Variants in KLF4 observed in about 807,000 individuals in gnomAD.
KLF4 encodes Krueppel-like factor 4.
KLF4 carries 14 observed loss-of-function variants against 38.0 expected under a neutral mutation model. The observed-to-expected ratio is 0.37, with a 90% CI of 0.24 to 0.58. The LOEUF is 0.58. Ranked by LOEUF, KLF4 falls within the 20% of genes least tolerant of loss-of-function variation. KLF4 has a pLI of 0.76. For synonymous variants in KLF4, 398 were observed against 302.5 expected (o/e 1.32, Z -3.28); for missense variants, 737 against 670.1 (o/e 1.10, Z -1.10).
In KLF4 at chr9:107,488,920, C is replaced by T. The variant is rs1421939582; in HGVS notation, c.126+10G>A. 2.6e-6 allele frequency: 4 copies of T among 1,550,720 alleles called. No homozygotes were observed. Among genetic ancestry groups the T allele is most frequent in the East Asian group, 2.4e-5 (1 of 40,958 alleles). ...ACCGGGCGTTCCCGGCGGCCCGGAG[C>T]GATACTCACGTTATTCGGGGCACCT... On this transcript the variant is annotated intron_variant, in intron 2 of 4. Transcript: ENST00000374672. The surrounding 1 kb of genome is among the most constrained non-coding windows in gnomAD (Gnocchi z 5.7).
intron 4 of KLF4, among the ~76,000 whole-genome samples, chr9:107,486,423 T>C (rs1374507672): frequency 6.6e-6 from 1 of 151,934 alleles, no homozygotes; most frequent in African/African-American, 2.4e-5. Flanking sequence ...ATGGAAATGC[T>C]CTGCAGTGAC....
chr9:107,487,486 T>C lies in KLF4; in HGVS notation c.908A>G (p.His303Arg), dbSNP rs777731050. 1.3e-6 allele frequency: 2 copies of C among 1,541,402 alleles called. No individual in the cohort carries two copies. The highest frequency in any genetic ancestry group is 1.7e-6 in the Non-Finnish European group (2 of 1,145,668). The change falls in exon 3 of 5, where the codon CAC becomes CGC. Residue 303 changes from histidine (H) to arginine (R), a missense_variant. Around this residue, in one of 2 missense-constraint regions of KLF4, gnomAD observed 695 missense variants for 554.5 expected, o/e 1.25. Coordinates refer to ENST00000374672, the MANE Select transcript of KLF4 (RefSeq NM_004235.6). This position sits in a 1 kb window ranked among gnomAD's most constrained non-coding sequence, Gnocchi z 6.1. ...GAGCTGCCGCCCCAGGGGGAAGTCG[T>C]GTGCAGCCGGCCGGTGGCCATTGCT... ...PLSNGHRPAA[H>R]DFPLGRQLPS...
chr9:107,488,253 C>A lies in KLF4; in HGVS notation c.141G>T (p.Glu47Asp). The A allele has an allele frequency of 1.2e-6, 2 of 1,604,986 alleles. No individual in the cohort carries two copies. Among genetic ancestry groups the A allele is most frequent in the African/African-American group, 1.3e-5 (1 of 74,820 alleles). The change falls in exon 3 of 5, where the codon GAG becomes GAT. Residue 47 changes from glutamate (E) to aspartate (D), a missense_variant. Transcript: ENST00000374672. This position sits in a 1 kb window ranked among gnomAD's most constrained non-coding sequence, Gnocchi z 5.7. ...GGGGAAGTCGCTTCATGTGGGAGAG[C>A]TCCTCCCGCCAGCGCTGCGGGGACA... ...AGAPNNRWRE[E>D]LSHMKRLPPV...
At chr9:107,489,098 C>G (rs948009962) in intron 1 of KLF4, 48 bp from the exon 2 acceptor site, 32 of 1,549,980 alleles carry the variant, frequency 2.1e-5, no homozygotes, top group South Asian at 4.8e-5. Context: ...GGGCGGCTTT[C>G]GGCCGTCGTT....
rs960359110 is a variant in KLF4, at chr9:107,485,231, T to G, written c.*520A>C. On this transcript the variant is annotated 3_prime_UTR_variant, in exon 5 of 5. Transcript: ENST00000374672. The surrounding 1 kb of genome is among the most constrained non-coding windows in gnomAD (Gnocchi z 4.9). ...CAGCAGTTTGAAAACTTTGGCTTCC[T>G]TGTTTGGTACCTTTAGAACCAAGAC... 7 of 209,584 alleles carry G rather than the reference T, an allele frequency of 3.3e-5. No homozygotes were observed. The Admixed American group carries it at 4.1e-4, about 12-fold the overall frequency. 13.0% of individuals were successfully genotyped at this position (209,584 alleles called of 1,614,324 possible).
Position 107,488,642 on chromosome 9 carries a change from C to T in KLF4, c.126+288G>A, listed in dbSNP as rs1829134096. Among the ~76,000 whole-genome samples the T allele has an allele frequency of 1.3e-5, 2 of 152,142 alleles. No homozygotes were observed. Among genetic ancestry groups the T allele is most frequent in the African/African-American group, 4.8e-5 (2 of 41,448 alleles). On this transcript the variant is annotated intron_variant, in intron 2 of 4. Transcript: ENST00000374672. This position sits in a 1 kb window ranked among gnomAD's most constrained non-coding sequence, Gnocchi z 5.7. ...CTCTGGCCCAGCCAGTGTCTGGGGACGCGGCCACCTCCCGCCCGGTGGCCC... is the reference window on the plus strand; with the variant it reads ...CTCTGGCCCAGCCAGTGTCTGGGGATGCGGCCACCTCCCGCCCGGTGGCCC...
rs1180573235 is a variant in KLF4, at chr9:107,488,405, G to A, written c.127-138C>T. ...CAGGCAGGAAGCACCCGGGAACCCA[G>A]GGCGCCAGCGCTGCAATCTCGGCCC... On this transcript the variant is annotated intron_variant, in intron 2 of 4. Coordinates refer to ENST00000374672, the MANE Select transcript of KLF4 (RefSeq NM_004235.6). This position sits in a 1 kb window ranked among gnomAD's most constrained non-coding sequence, Gnocchi z 5.7. The A allele has an allele frequency of 2.1e-6, 3 of 1,404,480 alleles. No individual in the cohort carries two copies. The highest frequency in any genetic ancestry group is 1.4e-5 in the African/African-American group (1 of 69,060). The allele number at this position is 1,404,480 out of a possible 1,614,324, so 87.0% of individuals were successfully genotyped here.
Position 107,487,018 on chromosome 9 carries a change from GT to G in KLF4, c.1264+9del. 6.2e-7 allele frequency: 1 copy of G among 1,614,166 alleles called. No individual in the cohort carries two copies. On this transcript the variant is annotated intron_variant, in intron 4 of 4. Transcript: ENST00000374672. This position sits in a 1 kb window ranked among gnomAD's most constrained non-coding sequence, Gnocchi z 6.1. ...CTAACCCCCCTCCCTTCTGCAGTTT[GT>G]CCCCCTACCTGTGTGGGTTCGCAGG...
In KLF4 at chr9:107,489,070, C is replaced by T. The variant is rs774814770; in HGVS notation, c.6-20G>A. On this transcript the variant is annotated intron_variant, in intron 1 of 4. Coordinates refer to ENST00000374672, the MANE Select transcript of KLF4 (RefSeq NM_004235.6). Reference sequence around the variant, plus strand: ...GGCTGCCTGCGAGCAAGGCAGGGAGCGGAGACAGGAGAGTCAGGGGCGGCT... The same window carrying T: ...GGCTGCCTGCGAGCAAGGCAGGGAGTGGAGACAGGAGAGTCAGGGGCGGCT... 9 of 1,552,432 alleles carry T rather than the reference C, an allele frequency of 5.8e-6. No individual in the cohort carries two copies. The highest frequency in any genetic ancestry group is 7.8e-6 in the Non-Finnish European group (9 of 1,147,590).
chr9:107,489,265 C>T lies in KLF4; in HGVS notation c.-93G>A, dbSNP rs1475063518. 7.1e-7 allele frequency: 1 copy of T among 1,402,648 alleles called. No individual in the cohort carries two copies. The highest frequency in any genetic ancestry group is 1.5e-5 in the African/African-American group (1 of 68,558). 86.9% of individuals were successfully genotyped at this position (1,402,648 alleles called of 1,614,324 possible). ...GAAGAGAAGAAACGAAGCCAAAACC[C>T]AAAACCCCAAATTGGCCGAGATCCT... On this transcript the variant is annotated 5_prime_UTR_variant, in exon 1 of 5. Transcript: ENST00000374672.
Position 107,487,602 on chromosome 9 carries a change from C to T in KLF4, c.792G>A (p.Ala264=). 1 of 1,598,170 alleles carries T rather than the reference C, an allele frequency of 6.3e-7. No individual in the cohort carries two copies. The highest frequency in any genetic ancestry group is 8.5e-7 in the Non-Finnish European group (1 of 1,176,080). ...TGCGCGGCGGCCCGCCGTTGTAGGG[C>T]GCCACCACCACCGGGTGGCTGCCGT... The part of the protein sequence containing the change: ...SPDGSHPVVV[A]PYNGGPPRTC... The change falls in exon 3 of 5, where the codon GCG becomes GCA. Residue 264 remains alanine (A), a synonymous_variant. Transcript: ENST00000374672. This position sits in a 1 kb window ranked among gnomAD's most constrained non-coding sequence, Gnocchi z 6.1.
rs1829148387 is a variant in KLF4, at chr9:107,489,262, A to G, written c.-90T>C. On this transcript the variant is annotated 5_prime_UTR_variant, in exon 1 of 5. Transcript: ENST00000374672. ...AACGAAGAGAAGAAACGAAGCCAAAACCCAAAACCCCAAATTGGCCGAGAT... is the reference window on the plus strand; with the variant it reads ...AACGAAGAGAAGAAACGAAGCCAAAGCCCAAAACCCCAAATTGGCCGAGAT... 7.1e-7 allele frequency: 1 copy of G among 1,404,700 alleles called. No individual in the cohort carries two copies. The highest frequency in any genetic ancestry group is 3.1e-5 in the Admixed American group (1 of 32,714). The allele number at this position is 1,404,700 out of a possible 1,614,324, so 87.0% of individuals were successfully genotyped here.
rs1829100225 is a variant in KLF4, at chr9:107,487,730, C to G, written c.664G>C (p.Gly222Arg). The change falls in exon 3 of 5, where the codon GGT (glycine) becomes CGT (arginine). Residue 222 changes from glycine to arginine, a missense_variant. By Grantham distance (125) the Gly-to-Arg change is moderately radical. Transcript: ENST00000374672. This position sits in a 1 kb window ranked among gnomAD's most constrained non-coding sequence, Gnocchi z 6.1. ...ACGAACTTGCCCATCAGCCCGCCAC[C>G]TGGCGGCTGCGGCTGCTGCGGCGGA... ...YIPPQQPQPP[G>R]GGLMGKFVLK... is the part of the protein sequence containing the mutation. The G allele has an allele frequency of 1.9e-6, 3 of 1,592,486 alleles. No homozygotes were observed. The highest frequency in any genetic ancestry group is 2.6e-6 in the Non-Finnish European group (3 of 1,170,404).
Position 107,487,488 on chromosome 9 carries a change from T to G in KLF4, c.906A>C (p.Ala302=). 5.8e-6 allele frequency: 9 copies of G among 1,541,962 alleles called. No homozygotes were observed. Among genetic ancestry groups the G allele is most frequent in the Non-Finnish European group, 7.9e-6 (9 of 1,146,096 alleles). Residue 302 remains alanine, a synonymous_variant, in exon 3 of 5, where the codon GCA becomes GCC. Coordinates refer to ENST00000374672, the MANE Select transcript of KLF4 (RefSeq NM_004235.6). The surrounding 1 kb of genome is among the most constrained non-coding windows in gnomAD (Gnocchi z 6.1). ...GCTGCCGCCCCAGGGGGAAGTCGTG[T>G]GCAGCCGGCCGGTGGCCATTGCTGA... The part of the protein sequence containing the change: ...PPLSNGHRPA[A]HDFPLGRQLP...
chr9:107,487,812 G>A lies in KLF4; in HGVS notation c.582C>T (p.Ser194=). 3.3e-6 allele frequency: 5 copies of A among 1,532,350 alleles called. No homozygotes were observed. Among genetic ancestry groups the A allele is most frequent in the Non-Finnish European group, 4.4e-6 (5 of 1,137,068 alleles). The allele number at this position is 1,532,350 out of a possible 1,614,324, so 94.9% of individuals were successfully genotyped here. A position where few individuals can be genotyped will look rare whatever the true frequency, so the allele number is the denominator to read the frequency against. Residue 194 remains serine, a synonymous_variant, in exon 3 of 5, where the codon AGC becomes AGT. Transcript: ENST00000374672. This position sits in a 1 kb window ranked among gnomAD's most constrained non-coding sequence, Gnocchi z 6.1. ...GCTCGGCCACGAAGCCGCCCGAGGG[G>A]CTCACGTCGTTGATGTCCGCCAGGT... ...PFNLADINDV[S]PSGGFVAELL...
intron 1 of KLF4, 54 bp downstream of exon 1, chr9:107,489,114 G>A: frequency 2.6e-6 from 4 of 1,549,206 alleles, no homozygotes; most frequent in Non-Finnish European, 3.5e-6. Context: ...TCGTTCCGGC[G>A]CGTCCCACCG....
chr9:107,487,917 G>T lies in KLF4; in HGVS notation c.477C>A (p.Asp159Glu). The T allele has an allele frequency of 6.4e-7, 1 of 1,573,714 alleles. No individual in the cohort carries two copies. Among genetic ancestry groups the T allele is most frequent in the East Asian group, 2.3e-5 (1 of 42,876 alleles). ...CCGTGCCGCCCGGCGCCACGCCCGG[G>T]TCGTTCCCGGCCCGGATCGGATAGG... ...SFTYPIRAGN[D>E]PGVAPGGTGG... The change falls in exon 3 of 5, where the codon GAC becomes GAA. Residue 159 changes from aspartate to glutamate, a missense_variant. This residue lies in a region of KLF4 where 695 missense variants were observed against 554.5 expected (regional missense o/e 1.25). Transcript: ENST00000374672. This position sits in a 1 kb window ranked among gnomAD's most constrained non-coding sequence, Gnocchi z 6.1.
Position 107,488,851 on chromosome 9 carries a change from T to C in KLF4, c.126+79A>G. 1 of 1,496,574 alleles carries C rather than the reference T, an allele frequency of 6.7e-7. No individual in the cohort carries two copies. The highest frequency in any genetic ancestry group is 9.0e-7 in the Non-Finnish European group (1 of 1,114,818). 92.7% of individuals were successfully genotyped at this position (1,496,574 alleles called of 1,614,324 possible). On this transcript the variant is annotated intron_variant, in intron 2 of 4. Transcript: ENST00000374672. This position sits in a 1 kb window ranked among gnomAD's most constrained non-coding sequence, Gnocchi z 5.7. ...CTTACCCTCGTTCAGTGGCTCTTGG[T>C]GACCCCAAGGCTCCGCCCGCCCCCA...
chr9:107,487,336 G>C lies in KLF4; in HGVS notation c.1058C>G (p.Pro353Arg). Residue 353 changes from proline (P) to arginine (R), a missense_variant, in exon 3 of 5, where the codon CCC (proline) becomes CGC (arginine). Pro to Arg is a moderately radical substitution (Grantham distance 103). Transcript: ENST00000374672. This position sits in a 1 kb window ranked among gnomAD's most constrained non-coding sequence, Gnocchi z 6.1. Reference protein sequence around the residue: ...HPGPNYPSFLPDQMQPQVPPL... With the variant: ...HPGPNYPSFLRDQMQPQVPPL... ...CGGGACTTGCGGCTGCATCTGATCG[G>C]GCAGGAAGGATGGGTAATTGGGCCC... The C allele has an allele frequency of 6.4e-7, 1 of 1,559,104 alleles. No individual in the cohort carries two copies. The highest frequency in any genetic ancestry group is 8.7e-7 in the Non-Finnish European group (1 of 1,153,108).
Sources: gnomAD v4.1 joint callset for allele counts (sites outside exome capture counted in the v4.1 genomes callset) on GRCh38, gnomAD v4.1.1 for gene constraint, gnomAD v4.1.1 regional missense constraint, Gnocchi (gnomAD v3.1) non-coding constraint, MANE v1.5 for transcripts, NCBI Gene and HGNC (gene_info 2026-07-23, HGNC 2026-07-21) for gene names.